TBC1D30: variants seen among roughly 807,000 people sequenced by gnomAD.
The protein encoded by TBC1D30 is TBC1 domain family member 30.
TBC1D30 carries 31 observed loss-of-function variants against 63.2 expected under a neutral mutation model. That is an observed-to-expected ratio of 0.49 (90% CI 0.37 to 0.66). TBC1D30 has a LOEUF of 0.66. Ranked by LOEUF, TBC1D30 falls within the 30% of genes least tolerant of loss-of-function variation. TBC1D30 has a pLI of 0.00. For synonymous variants in TBC1D30, 307 were observed against 361.5 expected (o/e 0.85, Z 1.71); for missense variants, 810 against 953.6 (o/e 0.85, Z 1.98).
chr12:64,761,082 A>G (rs900055386), intron 1 of TBC1D30, among the ~76,000 whole-genome samples: 2 of 152,238 alleles, frequency 1.3e-5, no homozygotes, highest in African/African-American at 4.8e-5. Context: ...TGGTCAGAGC[A>G]GTTCCTAGAC....
At chr12:64,760,480 T>C (rs1870460634) in intron 1 of TBC1D30, among the ~76,000 whole-genome samples, 2 of 152,012 alleles carry the variant, frequency 1.3e-5, no homozygotes, top group African/African-American at 4.8e-5. Flanking sequence ...TGAGAATCGC[T>C]TGAACCCGGG....
At chr12:64,865,725 G>A (rs578102562) in intron 9 of TBC1D30, among the ~76,000 whole-genome samples, 7 of 152,206 alleles carry the variant, frequency 4.6e-5, no homozygotes, top group Middle Eastern at 3.4e-3. Context: ...GTGTGGTAGT[G>A]CATACCTGTA....
At position 64,771,007 on chromosome 12, in the gene TBC1D30, C is replaced by T. The variant is rs149312414; in HGVS notation, c.-376+11358C>T. ...GATTATAGCCGTGAGCCACCACGCCCGGCCAAAACACCAAATTTAAAAACA... is the reference window on the plus strand; with the variant it reads ...GATTATAGCCGTGAGCCACCACGCCTGGCCAAAACACCAAATTTAAAAACA... On this transcript the variant is annotated intron_variant, in intron 1 of 13. Coordinates refer to the TBC1D30 transcript ENST00000674237. 7.1e-3 allele frequency among the ~76,000 whole-genome samples: 1,082 copies of T among 152,012 alleles called. 40 individuals are homozygous for T. The highest frequency in any genetic ancestry group is 0.053 in the Admixed American group (816 of 15,266).
rs1290947657 is a variant in TBC1D30 at position 64,827,870 on chromosome 12, T to C, written c.190T>C (p.Ser64Pro). The C allele has an allele frequency of 5.9e-6, 9 of 1,534,968 alleles. No homozygotes were observed. The highest frequency in any genetic ancestry group is 1.7e-6 in the Non-Finnish European group (2 of 1,146,512). The change falls in exon 2 of 12, where the codon TCT (serine) becomes CCT (proline). Residue 64 changes from serine to proline, a missense_variant. Transcript: ENST00000539867. ...CAAGTTGAAATTCACTCTTGAGCCATCTTTAGGTCAAAATGGTTTTCAGCA... is the reference window on the plus strand; with the variant it reads ...CAAGTTGAAATTCACTCTTGAGCCACCTTTAGGTCAAAATGGTTTTCAGCA... Reference protein sequence around the residue: ...DTKLKFTLEPSLGQNGFQQWY... With the variant: ...DTKLKFTLEPPLGQNGFQQWY...
At chr12:64,773,565 A>G (rs1250098360) in intron 1 of TBC1D30, among the ~76,000 whole-genome samples, 1 of 152,194 alleles carries the variant, frequency 6.6e-6, no homozygotes, top group African/African-American at 2.4e-5. Context: ...GTCTTCAGCC[A>G]CCTTCTACAG....
Position 64,875,005 on chromosome 12 carries a change from A to C in TBC1D30, c.1503A>C (p.Lys501Asn). Residue 501 changes from lysine to asparagine, a missense_variant, in exon 12 of 12, where the codon AAA (lysine) becomes AAC (asparagine). Transcript: ENST00000539867. ...QVHQVYIRAD[K>N]GPVTSILPSQ... ...ACCTTTCAACATTTCTTTCAGACAAAGGGCCAGTGACCAGCATTCTCCCGT... is the reference window on the plus strand; with the variant it reads ...ACCTTTCAACATTTCTTTCAGACAACGGGCCAGTGACCAGCATTCTCCCGT... 1 of 1,534,812 alleles carries C rather than the reference A, an allele frequency of 6.5e-7. No individual in the cohort carries two copies. The highest frequency in any genetic ancestry group is 8.7e-7 in the Non-Finnish European group (1 of 1,145,964).
intron 2 of TBC1D30, among the ~76,000 whole-genome samples, chr12:64,817,328 C>A (rs778118207): frequency 6.6e-6 from 1 of 152,198 alleles, no homozygotes; most frequent in Non-Finnish European, 1.5e-5. Context: ...TTAATTCTCA[C>A]CGTAACTCAA....
chr12:64,809,129 G>A (rs1465951231), intron 2 of TBC1D30, among the ~76,000 whole-genome samples: 1 of 152,062 alleles, frequency 6.6e-6, no homozygotes, highest in Admixed American at 6.6e-5. Context: ...TAGTTTTTGG[G>A]GAACAGGTGG....
chr12:64,815,468 C>G (rs1278584071), intron 2 of TBC1D30, among the ~76,000 whole-genome samples: 1 of 152,162 alleles, frequency 6.6e-6, no homozygotes, highest in Admixed American at 6.5e-5. Flanking sequence ...AAAGGAGGTT[C>G]TGTGAAGAAT....
intron 2 of TBC1D30, among the ~76,000 whole-genome samples, chr12:64,807,917 A>ATTTTTTTTT (rs1175968255): frequency 2.0e-5 from 1 of 49,504 alleles, no homozygotes; most frequent in Non-Finnish European, 3.4e-5. Context: ...GCCTAATTTA[A>ATTTTTTTTT]GTTTTTTTTT....
At chr12:64,836,271 G>A (rs1015742307) in intron 5 of TBC1D30, among the ~76,000 whole-genome samples, 3 of 152,162 alleles carry the variant, frequency 2.0e-5, no homozygotes, top group Non-Finnish European at 4.4e-5. Context: ...AGACAGCAGC[G>A]GACTTGGGGT....
intron 1 of TBC1D30, among the ~76,000 whole-genome samples, chr12:64,826,323 CT>C: frequency 6.6e-6 from 1 of 152,286 alleles, no homozygotes; most frequent in South Asian, 2.1e-4. Flanking sequence ...CTAACCCCTG[CT>C]GGGTTTCACT....
At chr12:64,836,860 AG>A (rs142781066) in intron 6 of TBC1D30, among the ~76,000 whole-genome samples, 3,039 of 152,348 alleles carry the variant, frequency 0.02, 46 homozygotes, top group South Asian at 0.042. Context: ...GGTCATAATT[AG>A]GAAGTCAGTG....
At chr12:64,793,916 C>A (rs1872095274) in intron 2 of TBC1D30, among the ~76,000 whole-genome samples, 1 of 152,140 alleles carries the variant, frequency 6.6e-6, no homozygotes, top group Non-Finnish European at 1.5e-5. Context: ...TCTCTTGTAT[C>A]CTGGATCTTA....
chr12:64,780,218 A>C (rs571410820), upstream of TBC1D30, among the ~76,000 whole-genome samples: 3 of 152,344 alleles, frequency 2.0e-5, no homozygotes, highest in East Asian at 5.8e-4. Context: ...AGTTTTAGAA[A>C]GCTTATTGTC....
intron 3 of TBC1D30, 66 bp from the exon 4 acceptor site, chr12:64,830,311 C>T (rs986844774): frequency 7.0e-7 from 1 of 1,431,272 alleles, no homozygotes; most frequent in Non-Finnish European, 9.3e-7. Context: ...GCAATAACTA[C>T]TTTCTAATAA....
exon 1 of TBC1D30, chr12:64,781,250 A>G: frequency 1.7e-6 from 2 of 1,158,456 alleles, no homozygotes; most frequent in South Asian, 3.1e-5. Context: ...GGAGCGACCG[A>G]GCCAGCGGCA....
chr12:64,836,518 T>G lies in TBC1D30; in HGVS notation c.623T>G (p.Leu208Arg), dbSNP rs1199773730. The G allele has an allele frequency of 2.0e-6, 3 of 1,535,992 alleles. No individual in the cohort carries two copies. The highest frequency in any genetic ancestry group is 2.6e-6 in the Non-Finnish European group (3 of 1,146,800). ...ATGATTTACCTTATTGATAAGGTAC[T>G]TCCCGAAAGCTATTTCGTCAATAAT... ...KIMIYLIDKVLPESYFVNNLR... is the reference protein window; with the variant it reads ...KIMIYLIDKVRPESYFVNNLR... The change falls in exon 6 of 12, where the codon CTT becomes CGT. Residue 208 changes from leucine to arginine, a missense_variant. This residue lies in a region of TBC1D30 where 272 missense variants were observed against 335.9 expected (regional missense o/e 0.81). Transcript: ENST00000539867.
intron 8 of TBC1D30, among the ~76,000 whole-genome samples, chr12:64,854,412 T>G (rs1877124378): frequency 6.6e-6 from 1 of 152,160 alleles, no homozygotes; most frequent in Admixed American, 6.5e-5. Context: ...TAACTCCTTG[T>G]TGTTTCTCTT....
Sources: allele counts gnomAD v4.1 joint callset (sites outside exome capture counted in the v4.1 genomes callset), GRCh38; gene constraint gnomAD v4.1.1; regional missense constraint gnomAD v4.1.1; transcripts MANE v1.5; gene names NCBI Gene and HGNC (gene_info 2026-07-23, HGNC 2026-07-21).